Variants in ACTN4 observed in about 807,000 individuals in gnomAD.
ACTN4 encodes the protein alpha-actinin-4.
ACTN4 carries 18 observed loss-of-function variants against 114.2 expected under a neutral mutation model. That is an observed-to-expected ratio of 0.16 (90% CI 0.11 to 0.23). ACTN4 has a LOEUF of 0.23. Ranked by LOEUF, ACTN4 falls within the 10% of genes least tolerant of loss-of-function variation. The probability of loss-of-function intolerance (pLI) is 1.00; values close to 1 mark genes in which losing one functional copy is unlikely to be tolerated. For missense variants in ACTN4, 722 were observed against 1,262.9 expected, an observed-to-expected ratio of 0.57 and a Z score of 6.49; for synonymous variants, 515 against 506.3, an observed-to-expected ratio of 1.02 and a Z score of -0.23.
At chr19:38,698,319 T>TGACG (rs1968157953) in intron 1 of ACTN4, among the ~76,000 whole-genome samples, 3 of 152,124 alleles carry the variant, frequency 2.0e-5, no homozygotes, top group African/African-American at 7.2e-5. Context: ...GAAGGTTAGG[T>TGACG]GACGTGCCCA....
intron 11 of ACTN4, 47 bp from the exon 12 acceptor site, chr19:38,721,491 C>A: frequency 6.2e-7 from 1 of 1,609,790 alleles, no homozygotes; most frequent in Non-Finnish European, 8.5e-7. Context: ...AGACTCCTGC[C>A]CCACAGCTGC....
At chr19:38,650,680 C>T (rs1354186208) in intron 1 of ACTN4, among the ~76,000 whole-genome samples, 1 of 152,224 alleles carries the variant, frequency 6.6e-6, no homozygotes, top group Non-Finnish European at 1.5e-5. Flanking sequence ...ATACACCAAT[C>T]TGTGTGGCTC....
In ACTN4 at chr19:38,727,941, G is replaced by C. The variant is rs749000397; in HGVS notation, c.2338-5G>C. 1 of 1,612,370 alleles carries C rather than the reference G, an allele frequency of 6.2e-7. No individual in the cohort carries two copies. The highest frequency in any genetic ancestry group is 8.5e-7 in the Non-Finnish European group (1 of 1,179,692). On this transcript the variant is annotated splice_polypyrimidine_tract_variant and splice_region_variant and intron_variant, in intron 18 of 20. Coordinates refer to ENST00000252699, the MANE Select transcript of ACTN4 (RefSeq NM_004924.6). This position sits in a 1 kb window ranked among gnomAD's most constrained non-coding sequence, Gnocchi z 5.4. Reference sequence around the variant, plus strand: ...CGCACACCTGCCTTCGGATGGCCCCGGCAGGATCATGGCGGGGCGCTGGGG... The same window carrying C: ...CGCACACCTGCCTTCGGATGGCCCCCGCAGGATCATGGCGGGGCGCTGGGG...
At chr19:38,723,571 A>G (rs765368903) in intron 12 of ACTN4, 43 bp from the exon 13 acceptor site, 16 of 1,474,520 alleles carry the variant, frequency 1.1e-5, no homozygotes, top group Middle Eastern at 3.5e-4. Context: ...CCATCTAGCC[A>G]CTTGCCCTTG....
chr19:38,678,586 A>C (rs552738448), intron 1 of ACTN4, among the ~76,000 whole-genome samples: 2 of 152,306 alleles, frequency 1.3e-5, no homozygotes, highest in African/African-American at 4.8e-5. Flanking sequence ...AGAAAGATAG[A>C]GGATACGCAG....
In ACTN4 at chr19:38,731,558, T is replaced by G. The variant is rs1403312077; in HGVS notation, c.*2126T>G. 2.7e-6 allele frequency: 1 copy of G among 369,532 alleles called. No individual in the cohort carries two copies. The highest frequency in any genetic ancestry group is 5.2e-5 in the East Asian group (1 of 19,148). 22.9% of individuals were successfully genotyped at this position (369,532 alleles called of 1,614,324 possible). A position where few individuals can be genotyped will look rare whatever the true frequency, so the allele number is the denominator to read the frequency against. ...CAGTGGGCACTGGAGGATATTTCTG[T>G]GCAGCAAAAAATATAGTCAATCCCA... On this transcript the variant is annotated 3_prime_UTR_variant, in exon 21 of 21. Transcript: ENST00000252699.
chr19:38,648,225 C>T (rs1976447294), intron 1 of ACTN4: 1 of 252,420 alleles, frequency 4.0e-6, no homozygotes. Context: ...ACTGGGCAGG[C>T]TGAAATGGAA....
At chr19:38,673,636 T>C (rs1182608015) in intron 1 of ACTN4, among the ~76,000 whole-genome samples, 4 of 52,256 alleles carry the variant, frequency 7.7e-5, no homozygotes, top group African/African-American at 2.4e-4. Flanking sequence ...TTCATATATA[T>C]TTATATATAT....
At chr19:38,710,121 G>A in intron 7 of ACTN4, 136 bp from the exon 8 acceptor site, 1 of 885,598 alleles carries the variant, frequency 1.1e-6, no homozygotes, top group South Asian at 1.3e-5. Context: ...GTGTGGCTGA[G>A]CCCACCCAAG....
intron 1 of ACTN4, chr19:38,683,727 C>G (rs892534001): frequency 5.9e-5 from 9 of 152,228 alleles, no homozygotes; most frequent in Non-Finnish European, 1.2e-4. Flanking sequence ...TTGTTGAAAT[C>G]TGTCATCATG....
intron 1 of ACTN4, among the ~76,000 whole-genome samples, chr19:38,664,765 A>G (rs1302860017): frequency 1.3e-5 from 2 of 152,182 alleles, no homozygotes; most frequent in Non-Finnish European, 2.9e-5. Context: ...GGCCCTGCCC[A>G]GCAGTCCTTA....
intron 1 of ACTN4, among the ~76,000 whole-genome samples, chr19:38,691,785 G>A (rs1452634676): frequency 6.6e-6 from 1 of 151,214 alleles, no homozygotes; most frequent in Non-Finnish European, 1.5e-5. Flanking sequence ...TGCCTGTAAT[G>A]CCAGCTACTC....
chr19:38,685,250 C>T (rs556661393), intron 1 of ACTN4, among the ~76,000 whole-genome samples: 1 of 152,282 alleles, frequency 6.6e-6, no homozygotes, highest in African/African-American at 2.4e-5. Flanking sequence ...GGCCAACCCA[C>T]CCAAATTGTG....
Position 38,647,787 on chromosome 19 carries a change from C to A in ACTN4, c.42C>A (p.Gly14=). The A allele has an allele frequency of 6.4e-7, 1 of 1,554,544 alleles. No homozygotes were observed. The highest frequency in any genetic ancestry group is 1.2e-5 in the South Asian group (1 of 84,432). The change falls in exon 1 of 21, where the codon GGC becomes GGA. Residue 14 remains glycine, a synonymous_variant. Coordinates refer to ENST00000252699, the MANE Select transcript of ACTN4 (RefSeq NM_004924.6). ...CGGCGAACCAGTCGTACCAGTACGG[C>A]CCCAGCAGCGCGGGCAATGGCGCTG... ...YHAANQSYQY[G]PSSAGNGAGG...
chr19:38,669,141 C>T (rs541557873), intron 1 of ACTN4, among the ~76,000 whole-genome samples: 1 of 152,272 alleles, frequency 6.6e-6, no homozygotes, highest in African/African-American at 2.4e-5. Context: ...CGCCTGCCAC[C>T]GTGCCCAGCT....
rs752074337 is a variant in ACTN4 at position 38,723,706 on chromosome 19, G to T, written c.1535G>T (p.Arg512Leu). ...WDALGSLTHSRREALEKTEKQ... is the reference protein window; with the variant it reads ...WDALGSLTHSLREALEKTEKQ... ...GCCCTCGGCTCTCTGACACATAGTC[G>T]CAGGGAAGCCCTGGAGGTGAGGAGG... Residue 512 changes from arginine to leucine, a missense_variant, in exon 13 of 21, where the codon CGC becomes CTC. Arg to Leu is a moderately radical substitution (Grantham distance 102). Around this residue, in one of 3 missense-constraint regions of ACTN4, gnomAD observed 523 missense variants for 875.9 expected, o/e 0.60. Coordinates refer to ENST00000252699, the MANE Select transcript of ACTN4 (RefSeq NM_004924.6). 2.2e-5 allele frequency: 35 copies of T among 1,611,100 alleles called. No homozygotes were observed. The highest frequency in any genetic ancestry group is 3.0e-5 in the Non-Finnish European group (35 of 1,178,538).
intron 1 of ACTN4, among the ~76,000 whole-genome samples, chr19:38,670,361 G>A (rs1967090603): frequency 6.6e-6 from 1 of 152,218 alleles, no homozygotes; most frequent in African/African-American, 2.4e-5. Flanking sequence ...AGGCCGGCCT[G>A]TATCTTGTTG....
chr19:38,683,342 G>GC lies in ACTN4; in HGVS notation c.163-17252dup, dbSNP rs1350747491. On this transcript the variant is annotated intron_variant, in intron 1 of 20. Coordinates refer to ENST00000252699, the MANE Select transcript of ACTN4 (RefSeq NM_004924.6). ...GCAGCCCCTGCCTCTCCTCTTTCTCGCCCCCCGCCCTCCTCCAGAGAAAGC... is the reference window on the plus strand; with the variant it reads ...GCAGCCCCTGCCTCTCCTCTTTCTCGCCCCCCCGCCCTCCTCCAGAGAAAGC... 1.2e-4 allele frequency among the ~76,000 whole-genome samples: 18 copies of GC among 152,194 alleles called. No homozygotes were observed. The East Asian group carries it at 3.5e-3, about 29-fold the overall frequency.
chr19:38,709,917 CA>C (rs1968587133), intron 7 of ACTN4, among the ~76,000 whole-genome samples: 1 of 152,212 alleles, frequency 6.6e-6, no homozygotes, highest in Non-Finnish European at 1.5e-5. Context: ...CTCCATTTCC[CA>C]GCCATGCACT....
Sources: allele counts gnomAD v4.1 joint callset (sites outside exome capture counted in the v4.1 genomes callset), GRCh38; gene constraint gnomAD v4.1.1; regional missense constraint gnomAD v4.1.1; non-coding constraint Gnocchi (gnomAD v3.1); transcripts MANE v1.5; gene names NCBI Gene and HGNC (gene_info 2026-07-23, HGNC 2026-07-21).